KCNH4: variants seen among roughly 807,000 people sequenced by gnomAD.
KCNH4 encodes the protein voltage-gated delayed rectifier potassium channel KCNH4.
Under a neutral mutation model 90.7 loss-of-function variants are expected in KCNH4, and 33 were observed. That is an observed-to-expected ratio of 0.36 (90% CI 0.28 to 0.49). KCNH4 has a LOEUF of 0.49. KCNH4 is among the 20% of genes least tolerant of loss of function. The pLI is 0.98. For synonymous variants in KCNH4, 551 were observed against 581.7 expected (o/e 0.95, Z 0.76); for missense variants, 1,044 against 1,387.1 (o/e 0.75, Z 3.93).
At position 42,173,685 on chromosome 17, in the gene KCNH4, A is replaced by T. The variant is rs1312321540; in HGVS notation, c.988-1690T>A. On this transcript the variant is annotated intron_variant, in intron 6 of 16. Coordinates refer to ENST00000264661, the MANE Select transcript of KCNH4 (RefSeq NM_012285.3). ...AAAATACTAGACTGGAAGTTTAGCG[A>T]TCTGGTTCTTTTTTTTTTTTTTTTT... Among the ~76,000 whole-genome samples, 24 of 119,192 alleles carry T rather than the reference A, an allele frequency of 2.0e-4. 1 individual carries two copies. In the South Asian group the frequency reaches 6.6e-3, roughly 33 times the overall value. 78.2% of individuals were successfully genotyped at this position (119,192 alleles called of 152,430 possible). A position where few individuals can be genotyped will look rare whatever the true frequency, so the allele number is the denominator to read the frequency against.
chr17:42,166,941 C>G (rs1210571761), intron 9 of KCNH4, among the ~76,000 whole-genome samples: 3 of 152,172 alleles, frequency 2.0e-5, no homozygotes, highest in African/African-American at 4.8e-5. Context: ...CAGTCTGTAT[C>G]TCAGTCTGTA....
chr17:42,172,037 C>T, intron 6 of KCNH4, 42 bp from the exon 7 acceptor site: 1 of 1,518,854 alleles, frequency 6.6e-7, no homozygotes, highest in Non-Finnish European at 8.9e-7. Flanking sequence ...AGGCACACCT[C>T]CTCCGAGCCC....
chr17:42,170,435 G>T, intron 7 of KCNH4, 134 bp from the exon 8 acceptor site: 1 of 700,590 alleles, frequency 1.4e-6, no homozygotes, highest in Non-Finnish European at 2.3e-6. Flanking sequence ...GAGTGGCCTG[G>T]GCCTGTGTCT....
In KCNH4 at chr17:42,162,260, C is replaced by A. The variant is rs1411809840; in HGVS notation, c.2646G>T (p.Arg882=). ...EAEEVKEKVC[R]LNQEISRLNQ... ...AGCCCCAACCCACCTCCTGGTTCAG[C>A]CGGCAAACCTTTTCCTTCACCTCCT... The change falls in exon 15 of 17, where the codon CGG becomes CGT. Residue 882 remains arginine (R), a synonymous_variant. Coordinates refer to ENST00000264661, the MANE Select transcript of KCNH4 (RefSeq NM_012285.3). The A allele has an allele frequency of 6.2e-7, 1 of 1,613,942 alleles. No individual in the cohort carries two copies. Among genetic ancestry groups the A allele is most frequent in the East Asian group, 2.2e-5 (1 of 44,848 alleles).
chr17:42,161,481 C>T (rs756706933), intron 15 of KCNH4, among the ~76,000 whole-genome samples: 6 of 152,200 alleles, frequency 3.9e-5, no homozygotes, highest in Non-Finnish European at 8.8e-5. Context: ...GGGGAGGAGG[C>T]AGAGGCTGAG....
chr17:42,170,034 C>T (rs1297666107), intron 8 of KCNH4, 73 bp downstream of exon 8: 52 of 1,461,398 alleles, frequency 3.6e-5, no homozygotes, highest in Non-Finnish European at 4.5e-5. Context: ...GTCTTGCCCT[C>T]TCTGGGCCTC....
chr17:42,164,299 A>G (rs1164830734), intron 11 of KCNH4, 131 bp from the exon 12 acceptor site: 2 of 788,990 alleles, frequency 2.5e-6, no homozygotes, highest in South Asian at 2.0e-5. Context: ...GTCAGAAACT[A>G]TAACCCTAAC....
At chr17:42,157,601 G>A (rs2079718127) in intron 16 of KCNH4, among the ~76,000 whole-genome samples, 2 of 152,116 alleles carry the variant, frequency 1.3e-5, no homozygotes, top group Admixed American at 6.6e-5. Context: ...CTGATGTCCT[G>A]AGGTTTTTTT....
At position 42,160,295 on chromosome 17, in the gene KCNH4, C is replaced by T; in HGVS notation, c.2799G>A (p.Arg933=). ...ACGCACAAGGAGAGAGGCATGGTGG[C>T]CTCAGCTGTGGACAAGGAGGGTCTG... The part of the protein sequence containing the change: ...WTPDPPCPQL[R]PPCLSPCASR... Residue 933 remains arginine, a synonymous_variant, in exon 16 of 17, where the codon AGG becomes AGA. Transcript: ENST00000264661. 15 of 1,614,078 alleles carry T rather than the reference C, an allele frequency of 9.3e-6. No individual in the cohort carries two copies. Among genetic ancestry groups the T allele is most frequent in the Non-Finnish European group, 1.2e-5 (14 of 1,179,980 alleles).
At chr17:42,162,612 A>T (rs2079756890) in intron 14 of KCNH4, among the ~76,000 whole-genome samples, 1 of 147,952 alleles carries the variant, frequency 6.8e-6, no homozygotes. Context: ...TTTTTTTTTG[A>T]GATGGGGTCT....
intron 6 of KCNH4, among the ~76,000 whole-genome samples, chr17:42,172,459 A>C (rs913577345): frequency 3.3e-5 from 5 of 151,516 alleles, no homozygotes; most frequent in Non-Finnish European, 5.9e-5. Flanking sequence ...AGCGTGAGCC[A>C]CTGCACCCGG....
chr17:42,163,334 C>T lies in KCNH4; in HGVS notation c.2478G>A (p.Arg826=). 1.2e-6 allele frequency: 2 copies of T among 1,611,240 alleles called. No individual in the cohort carries two copies. The highest frequency in any genetic ancestry group is 1.7e-6 in the Non-Finnish European group (2 of 1,177,570). The change falls in exon 14 of 17, where the codon CGG becomes CGA. Residue 826 remains arginine (R), a splice_region_variant and synonymous_variant. Coordinates refer to ENST00000264661, the MANE Select transcript of KCNH4 (RefSeq NM_012285.3). This position sits in a 1 kb window ranked among gnomAD's most constrained non-coding sequence, Gnocchi z 5.4. ...GTFGPPDLSP[R]IVDGIEDSGS... is the part of the protein sequence containing the mutation. ...CAGAGTCCTCAATGCCATCCACTAT[C>T]CTGGGAACAGGGCAGTGCTCATCAG... is the stretch of plus-strand genomic sequence containing the variant.
At chr17:42,164,309 C>CCGAGA in intron 11 of KCNH4, 141 bp from the exon 12 acceptor site, 1 of 711,948 alleles carries the variant, frequency 1.4e-6, no homozygotes, top group Non-Finnish European at 2.3e-6. Flanking sequence ...ATAACCCTAA[C>CCGAGA]TCAAACAAAC....
chr17:42,163,312 A>G lies in KCNH4; in HGVS notation c.2500T>C (p.Ser834Pro). The change falls in exon 14 of 17, where the codon TCT becomes CCT. Residue 834 changes from serine to proline, a missense_variant. By Grantham distance (74) the Ser-to-Pro change is moderately conservative. This residue lies in a region of KCNH4 where 441 missense variants were observed against 512.3 expected (regional missense o/e 0.86). Coordinates refer to ENST00000264661, the MANE Select transcript of KCNH4 (RefSeq NM_012285.3). The surrounding 1 kb of genome is among the most constrained non-coding windows in gnomAD (Gnocchi z 5.4). ...GAAGGGGCCTCAGCTGTGCTGCCAG[A>G]GTCCTCAATGCCATCCACTATCCTG... The part of the protein sequence containing the change: ...SPRIVDGIED[S>P]GSTAEAPSFR... 1 of 1,613,874 alleles carries G rather than the reference A, an allele frequency of 6.2e-7. No homozygotes were observed. Among genetic ancestry groups the G allele is most frequent in the Non-Finnish European group, 8.5e-7 (1 of 1,179,832 alleles).
intron 3 of KCNH4, 35 bp from the exon 4 acceptor site, chr17:42,178,262 C>T: frequency 6.2e-7 from 1 of 1,614,124 alleles, no homozygotes; most frequent in Non-Finnish European, 8.5e-7. Context: ...TACGTTGGGG[C>T]ACATCCCTTG....
At position 42,175,748 on chromosome 17, in the gene KCNH4, A is replaced by G. The variant is rs1262506045; in HGVS notation, c.830-12T>C. 6.2e-7 allele frequency: 1 copy of G among 1,613,790 alleles called. No homozygotes were observed. The highest frequency in any genetic ancestry group is 2.2e-5 in the East Asian group (1 of 44,892). On this transcript the variant is annotated splice_polypyrimidine_tract_variant and intron_variant, in intron 5 of 16. Transcript: ENST00000264661. Reference sequence around the variant, plus strand: ...GTTCAGGATGATATCTGGGGGTGCAAGAGGCTATTACTGGGGGGCCTTGGC... The same window carrying G: ...GTTCAGGATGATATCTGGGGGTGCAGGAGGCTATTACTGGGGGGCCTTGGC...
chr17:42,169,564 C>G lies in KCNH4; in HGVS notation c.1503G>C (p.Val501=). 1.2e-6 allele frequency: 2 copies of G among 1,613,738 alleles called. No individual in the cohort carries two copies. The highest frequency in any genetic ancestry group is 1.7e-6 in the Non-Finnish European group (2 of 1,180,026). ...RMKDLKDFIR[V]HRLPRPLKQR... is the part of the protein sequence containing the mutation. ...GCTTGAGCGGCCGCGGCAGGCGGTG[C>G]ACACGGATGAAGTCCTTGAGGTCCT... is the stretch of plus-strand genomic sequence containing the variant. Residue 501 remains valine (V), a synonymous_variant, in exon 9 of 17, where the codon GTG becomes GTC. Transcript: ENST00000264661.
At chr17:42,166,249 G>A (rs763849798) in intron 10 of KCNH4, 48 bp downstream of exon 10, 1 of 1,537,764 alleles carries the variant, frequency 6.5e-7, no homozygotes, top group East Asian at 2.4e-5. Flanking sequence ...AGTGGGGGTT[G>A]CGGGGGGTGG....
intron 11 of KCNH4, 33 bp from the exon 12 acceptor site, chr17:42,164,201 C>A: frequency 1.3e-6 from 2 of 1,521,412 alleles, no homozygotes; most frequent in South Asian, 1.2e-5. Context: ...AAGCTGATTC[C>A]TGCCTTCCCG....
Sources: allele counts gnomAD v4.1 joint callset (sites outside exome capture counted in the v4.1 genomes callset), GRCh38; gene constraint gnomAD v4.1.1; regional missense constraint gnomAD v4.1.1; non-coding constraint Gnocchi (gnomAD v3.1); transcripts MANE v1.5; gene names NCBI Gene and HGNC (gene_info 2026-07-23, HGNC 2026-07-21).